The following FAM193A variants were observed in gnomAD, a reference collection of about 807,000 sequenced individuals.
FAM193A encodes the protein protein FAM193A.
In FAM193A, 22 loss-of-function variants were observed where a neutral mutation model predicts 126.5. The ratio of observed to expected loss-of-function variants is 0.17; its 90% CI spans 0.12 to 0.25. The LOEUF is 0.25. Ranked by LOEUF, FAM193A falls within the 10% of genes least tolerant of loss-of-function variation. The pLI is 1.00. For synonymous variants in FAM193A, 761 were observed against 646.8 expected (o/e 1.18, Z -2.68); for missense variants, 1,675 against 1,672.8 (o/e 1.00, Z -0.02).
intron 2 of FAM193A, among the ~76,000 whole-genome samples, chr4:2,602,212 T>C (rs559592739): frequency 7.0e-6 from 1 of 142,930 alleles, no homozygotes; most frequent in South Asian, 2.1e-4. Flanking sequence ...GTGAATGTGA[T>C]TTAAAAAAAA....
At chr4:2,651,606 C>T (rs2109072194) in intron 7 of FAM193A, among the ~76,000 whole-genome samples, 1 of 152,326 alleles carries the variant, frequency 6.6e-6, no homozygotes, top group Non-Finnish European at 1.5e-5. Flanking sequence ...CATCACCTCC[C>T]ACCAGGTTCC....
chr4:2,727,096 TA>T (rs1239836167), intron 20 of FAM193A, among the ~76,000 whole-genome samples: 1 of 151,648 alleles, frequency 6.6e-6, no homozygotes, highest in East Asian at 1.9e-4. Flanking sequence ...CCGTTTCTAC[TA>T]AAAGTACAAA....
At chr4:2,558,119 A>C (rs931934888) in intron 1 of FAM193A, among the ~76,000 whole-genome samples, 2 of 152,112 alleles carry the variant, frequency 1.3e-5, no homozygotes, top group African/African-American at 4.8e-5. Flanking sequence ...CTAAAATATG[A>C]AAGTTAGCTG....
chr4:2,666,661 G>A (rs1344375036), intron 12 of FAM193A, among the ~76,000 whole-genome samples: 1 of 152,132 alleles, frequency 6.6e-6, no homozygotes, highest in South Asian at 2.1e-4. Flanking sequence ...GGGAAGATCT[G>A]TAATTACTAA....
intron 20 of FAM193A, among the ~76,000 whole-genome samples, chr4:2,723,189 G>C (rs1337072938): frequency 6.6e-6 from 1 of 152,068 alleles, no homozygotes; most frequent in African/African-American, 2.4e-5. Context: ...CAGGAGAATG[G>C]CGTGAATCCA....
At chr4:2,714,876 G>A (rs1024728257) in intron 19 of FAM193A, among the ~76,000 whole-genome samples, 10 of 152,088 alleles carry the variant, frequency 6.6e-5, no homozygotes, top group African/African-American at 2.4e-4. Flanking sequence ...TGTTCACATC[G>A]ATGAGGCTGA....
At chr4:2,724,584 C>A (rs565834994) in intron 20 of FAM193A, among the ~76,000 whole-genome samples, 43 of 152,140 alleles carry the variant, frequency 2.8e-4, no homozygotes, top group Non-Finnish European at 5.1e-4. Flanking sequence ...GCACAGCGTT[C>A]ACACCTTGTA....
At chr4:2,628,120 G>A (rs1470775613) in intron 4 of FAM193A, among the ~76,000 whole-genome samples, 1 of 152,072 alleles carries the variant, frequency 6.6e-6, no homozygotes. Flanking sequence ...TCCTGACCTT[G>A]TGATCCACCT....
chr4:2,574,861 C>T (rs1310262668), intron 1 of FAM193A, among the ~76,000 whole-genome samples: 2 of 152,022 alleles, frequency 1.3e-5, no homozygotes, highest in Non-Finnish European at 2.9e-5. Flanking sequence ...GGCCTTTTGG[C>T]GTATTGGAAG....
At chr4:2,664,015 A>G (rs1322737577) in intron 12 of FAM193A, among the ~76,000 whole-genome samples, 1 of 152,242 alleles carries the variant, frequency 6.6e-6, no homozygotes, top group Non-Finnish European at 1.5e-5. Context: ...AAATGAAAGA[A>G]CAAATGAAGG....
At chr4:2,565,698 T>TG (rs1738901399) in intron 1 of FAM193A, among the ~76,000 whole-genome samples, 1 of 152,222 alleles carries the variant, frequency 6.6e-6, no homozygotes, top group Non-Finnish European at 1.5e-5. Flanking sequence ...CATAGGGAAC[T>TG]GCTTACAGCA....
intron 2 of FAM193A, among the ~76,000 whole-genome samples, chr4:2,599,533 A>G (rs188089863): frequency 6.6e-6 from 1 of 152,170 alleles, no homozygotes; most frequent in East Asian, 1.9e-4. Context: ...GTTGTAGGAG[A>G]ATATTGGTGG....
chr4:2,584,425 C>CAA (rs371307978), intron 1 of FAM193A, among the ~76,000 whole-genome samples: 1,272 of 60,824 alleles, frequency 0.021, 25 homozygotes, highest in African/African-American at 0.065. Context: ...GATTCCGTCT[C>CAA]AAAAAAAAAA....
At chr4:2,603,542 C>A (rs566765375) in intron 2 of FAM193A, among the ~76,000 whole-genome samples, 2 of 146,946 alleles carry the variant, frequency 1.4e-5, no homozygotes, top group Admixed American at 1.4e-4. Flanking sequence ...CTGCAAGCTC[C>A]GCCTCCTGGG....
rs1744439080 is a variant in FAM193A, at chr4:2,639,825, C to A, written c.1129C>A (p.Gln377Lys). 6.2e-7 allele frequency: 1 copy of A among 1,614,146 alleles called. No homozygotes were observed. Among genetic ancestry groups the A allele is most frequent in the East Asian group, 2.2e-5 (1 of 44,884 alleles). ...ENLVFSEPLL[Q>K]SNLPALVSQI... The stretch of plus-strand genomic sequence containing the variant: ...TCTGGTCTTTTCGGAGCCACTTCTT[C>A]AGAGCAACTTGCCCGCACTGGTGTC... Residue 377 changes from glutamine to lysine, a missense_variant, in exon 6 of 21, where the codon CAG becomes AAG. By Grantham distance (53) the Gln-to-Lys change is moderately conservative. This residue lies in a region of FAM193A where 1,186 missense variants were observed against 1,109.2 expected (regional missense o/e 1.07). Coordinates refer to ENST00000637812, the MANE Select transcript of FAM193A (RefSeq NM_001366318.2).
At chr4:2,703,763 A>C (rs1215405941) in intron 19 of FAM193A, among the ~76,000 whole-genome samples, 1 of 150,920 alleles carries the variant, frequency 6.6e-6, no homozygotes, top group Non-Finnish European at 1.5e-5. Context: ...CGGGAATTTA[A>C]GACCAGCCTG....
intron 19 of FAM193A, among the ~76,000 whole-genome samples, chr4:2,706,047 A>AT (rs1045879926): frequency 5.9e-5 from 9 of 151,752 alleles, no homozygotes; most frequent in Middle Eastern, 3.4e-3. Context: ...CTCTACAGAT[A>AT]TTTTTTTTAA....
At chr4:2,631,767 C>T (rs529287773) in intron 5 of FAM193A, among the ~76,000 whole-genome samples, 1 of 152,252 alleles carries the variant, frequency 6.6e-6, no homozygotes, top group East Asian at 1.9e-4. Flanking sequence ...GTCCGGTTGC[C>T]TCAAAAGAGG....
At chr4:2,634,068 G>C (rs1475821832) in intron 5 of FAM193A, among the ~76,000 whole-genome samples, 1 of 152,198 alleles carries the variant, frequency 6.6e-6, no homozygotes, top group African/African-American at 2.4e-5. Flanking sequence ...ACCTAGCCCA[G>C]GATGGGGTCT....
Sources: gnomAD v4.1 joint callset for allele counts (sites outside exome capture counted in the v4.1 genomes callset) on GRCh38, gnomAD v4.1.1 for gene constraint, gnomAD v4.1.1 regional missense constraint, MANE v1.5 for transcripts, NCBI Gene and HGNC (gene_info 2026-07-23, HGNC 2026-07-21) for gene names.